Variants in ANGPT2 observed in about 807,000 individuals in gnomAD.
ANGPT2 encodes angiopoietin 2.
In ANGPT2, 28 loss-of-function variants were observed where a neutral mutation model predicts 62.9. The ratio of observed to expected loss-of-function variants is 0.44; its 90% CI spans 0.33 to 0.61. The LOEUF (loss-of-function observed/expected upper bound fraction) is 0.61, where lower values mean the gene tolerates loss of function less well. Ranked by LOEUF, ANGPT2 falls within the 20% of genes least tolerant of loss-of-function variation. The probability of loss-of-function intolerance (pLI) is 0.03; values close to 1 mark genes in which losing one functional copy is unlikely to be tolerated. For missense variants in ANGPT2, 727 were observed against 594.9 expected, an observed-to-expected ratio of 1.22 and a Z score of -2.31; for synonymous variants, 284 against 207.8, an observed-to-expected ratio of 1.37 and a Z score of -3.15.
At chr8:6,507,839 TC>T (rs34994946) in intron 8 of ANGPT2, 36,879 of 151,928 alleles carry the variant, frequency 0.24, 5,818 homozygotes, top group Middle Eastern at 0.41. Flanking sequence ...CTCCTTGGCC[TC>T]CCAAAGTGCT....
intron 1 of ANGPT2, among the ~76,000 whole-genome samples, chr8:6,552,315 G>T (rs540108656): frequency 6.6e-6 from 1 of 152,186 alleles, no homozygotes; most frequent in Non-Finnish European, 1.5e-5. Flanking sequence ...CCATATTCAC[G>T]CAGTCACAGC....
In ANGPT2 at chr8:6,500,218, C is replaced by A; in HGVS notation, c.*2883G>T. On this transcript the variant is annotated 3_prime_UTR_variant, in exon 9 of 9. Coordinates refer to ENST00000629816, the MANE Select transcript of ANGPT2 (RefSeq NM_001118887.2). ...AATGAAAAAAGACTGAATTCTTGGG[C>A]AGGTAGTCTTATATCTTGCTTAATG... The A allele has an allele frequency of 2.5e-6, 1 of 407,870 alleles. No individual in the cohort carries two copies. The highest frequency in any genetic ancestry group is 2.3e-5 in the South Asian group (1 of 43,332). 25.3% of individuals were successfully genotyped at this position (407,870 alleles called of 1,614,324 possible).
chr8:6,509,683 T>C (rs763048514), intron 7 of ANGPT2, among the ~76,000 whole-genome samples: 27 of 152,228 alleles, frequency 1.8e-4, no homozygotes, highest in Admixed American at 4.6e-4. Flanking sequence ...TGACTTCCCA[T>C]GGGGCTATGT....
At chr8:6,537,967 A>G (rs972530449) in intron 1 of ANGPT2, among the ~76,000 whole-genome samples, 1 of 152,154 alleles carries the variant, frequency 6.6e-6, no homozygotes, top group Non-Finnish European at 1.5e-5. Context: ...GTGGACAAAA[A>G]CTAATTAATC....
At position 6,563,182 on chromosome 8, in the gene ANGPT2, C is replaced by A. The variant is rs1180518247; in HGVS notation, c.-248G>T. 5.7e-6 allele frequency: 2 copies of A among 353,066 alleles called. No homozygotes were observed. Among genetic ancestry groups the A allele is most frequent in the Non-Finnish European group, 1.1e-5 (2 of 189,602 alleles). The allele number at this position is 353,066 out of a possible 1,614,324, so 21.9% of individuals were successfully genotyped here. ...TCCTGCTCACTTGGGAGGGCTGTGT[C>A]AGCTTTTACAGAGCAGCTTTCACGG... On this transcript the variant is annotated 5_prime_UTR_variant, in exon 1 of 9. Transcript: ENST00000629816.
chr8:6,545,202 G>A (rs1250921381), intron 1 of ANGPT2, among the ~76,000 whole-genome samples: 1 of 152,146 alleles, frequency 6.6e-6, no homozygotes, highest in African/African-American at 2.4e-5. Context: ...TGTGAACTGA[G>A]CAGTGGCACG....
In ANGPT2 at chr8:6,503,162, C is replaced by G; in HGVS notation, c.1427G>C (p.Trp476Ser). 6.2e-7 allele frequency: 1 copy of G among 1,614,184 alleles called. No individual in the cohort carries two copies. The highest frequency in any genetic ancestry group is 8.5e-7 in the Non-Finnish European group (1 of 1,180,042). The change falls in exon 9 of 9, where the codon TGG becomes TCG. Residue 476 changes from tryptophan (W) to serine (S), a missense_variant. By Grantham distance (177) the Trp-to-Ser change is radical (BLOSUM62 -3). Coordinates refer to ENST00000629816, the MANE Select transcript of ANGPT2 (RefSeq NM_001118887.2). ...NKFNGIKWYY[W>S]KGSGYSLKAT... ...CTTGAGCGAATAGCCTGAGCCTTTC[C>G]AGTAGTACCATTTAATGCCGTTGAA... is the stretch of plus-strand genomic sequence containing the variant.
At chr8:6,532,589 A>T in intron 1 of ANGPT2, 102 bp from the exon 2 acceptor site, 3 of 868,060 alleles carry the variant, frequency 3.5e-6, no homozygotes, top group Admixed American at 7.3e-5. Flanking sequence ...AAAAAAAAAA[A>T]AAATCTATCA....
intron 1 of ANGPT2, among the ~76,000 whole-genome samples, chr8:6,541,556 G>A (rs192254714): frequency 1.2e-3 from 189 of 152,314 alleles, no homozygotes; most frequent in Middle Eastern, 3.4e-3. Context: ...GGAGACGCTC[G>A]GCAGGTCCTT....
At chr8:6,514,826 C>T (rs563843806) in intron 5 of ANGPT2, 48 bp from the exon 6 acceptor site, 1 of 1,521,904 alleles carries the variant, frequency 6.6e-7, no homozygotes, top group South Asian at 1.1e-5. Flanking sequence ...CCCCACTCCC[C>T]CCTTACGTAG....
At chr8:6,550,198 G>A (rs1342140645) in intron 1 of ANGPT2, among the ~76,000 whole-genome samples, 1 of 152,240 alleles carries the variant, frequency 6.6e-6, no homozygotes, top group Non-Finnish European at 1.5e-5. Flanking sequence ...TCCATCTCCA[G>A]ATGTTACTCA....
intron 8 of ANGPT2, among the ~76,000 whole-genome samples, chr8:6,506,921 G>C (rs2129565112): frequency 6.6e-6 from 1 of 151,526 alleles, no homozygotes; most frequent in African/African-American, 2.4e-5. Context: ...TTTTGAGACG[G>C]AGTCTCACTC....
chr8:6,510,451 T>C (rs936304604), intron 7 of ANGPT2, among the ~76,000 whole-genome samples: 2 of 152,220 alleles, frequency 1.3e-5, no homozygotes, highest in African/African-American at 4.8e-5. Context: ...AATAATATAA[T>C]TTCTAACAGT....
intron 1 of ANGPT2, among the ~76,000 whole-genome samples, chr8:6,553,307 G>T (rs143347763): frequency 6.6e-6 from 1 of 152,088 alleles, no homozygotes; most frequent in Admixed American, 6.5e-5. Flanking sequence ...CATATGAAAA[G>T]GAACAAGTAA....
At chr8:6,520,076 G>T in intron 4 of ANGPT2, 85 bp from the exon 5 acceptor site, 1 of 1,487,996 alleles carries the variant, frequency 6.7e-7, no homozygotes, top group Non-Finnish European at 9.1e-7. Context: ...CATTTGGTGA[G>T]TTTTATTACT....
At chr8:6,529,695 T>C (rs1819082913) in intron 2 of ANGPT2, among the ~76,000 whole-genome samples, 1 of 149,266 alleles carries the variant, frequency 6.7e-6, no homozygotes, top group African/African-American at 2.5e-5. Flanking sequence ...GGACTCCTGA[T>C]CTCAAGCGAT....
intron 1 of ANGPT2, among the ~76,000 whole-genome samples, chr8:6,539,046 TGTG>T (rs1821024287): frequency 6.6e-6 from 1 of 152,116 alleles, no homozygotes; most frequent in African/African-American, 2.4e-5. Flanking sequence ...TGTGTGTGTG[TGTG>T]TTTATTCTGG....
At chr8:6,550,090 T>A (rs888162459) in intron 1 of ANGPT2, among the ~76,000 whole-genome samples, 1 of 152,228 alleles carries the variant, frequency 6.6e-6, no homozygotes, top group African/African-American at 2.4e-5. Context: ...TCTACAACGC[T>A]GTCTTCAAAA....
chr8:6,522,004 T>A (rs1207278064), intron 3 of ANGPT2, among the ~76,000 whole-genome samples: 1 of 152,200 alleles, frequency 6.6e-6, no homozygotes, highest in Non-Finnish European at 1.5e-5. Flanking sequence ...CCTCACCTGT[T>A]AATTAGGATA....
Sources: gnomAD v4.1 joint callset for allele counts (sites outside exome capture counted in the v4.1 genomes callset) on GRCh38, gnomAD v4.1.1 for gene constraint, MANE v1.5 for transcripts, NCBI Gene and HGNC (gene_info 2026-07-23, HGNC 2026-07-21) for gene names.